Variants in CFTR observed in about 807,000 individuals in gnomAD.
The protein encoded by CFTR is CF transmembrane conductance regulator.
A neutral mutation model predicts 171.6 loss-of-function variants in CFTR; 181 were observed. That is an observed-to-expected ratio of 1.05 (90% CI 0.93 to 1.19). CFTR has a LOEUF of 1.19. CFTR is among the 50% of genes most tolerant of loss of function. CFTR has a pLI of 0.00. For synonymous variants in CFTR, 583 were observed against 608.0 expected, an observed-to-expected ratio of 0.96 and a Z score of 0.60; for missense variants, 1,968 against 1,734.7, an observed-to-expected ratio of 1.13 and a Z score of -2.39.
chr7:117,528,246 G>C (rs1309820621), intron 3 of CFTR, among the ~76,000 whole-genome samples: 26 of 71,834 alleles, frequency 3.6e-4, no homozygotes, highest in African/African-American at 1.3e-3. Flanking sequence ...ACAAACCTGA[G>C]AAAAACAAGC....
intron 26 of CFTR, among the ~76,000 whole-genome samples, chr7:117,666,012 T>C (rs1410232083): frequency 6.6e-6 from 1 of 152,174 alleles, no homozygotes; most frequent in Non-Finnish European, 1.5e-5. Flanking sequence ...TTTCTAGCCA[T>C]GATTTGGGTT....
chr7:117,545,018 G>A (rs1799115838), intron 9 of CFTR, among the ~76,000 whole-genome samples: 1 of 152,188 alleles, frequency 6.6e-6, no homozygotes, highest in African/African-American at 2.4e-5. Context: ...CTGTTTTCAT[G>A]TTGCTGATAA....
intron 1 of CFTR, among the ~76,000 whole-genome samples, chr7:117,498,299 C>G (rs1268830421): frequency 6.6e-6 from 1 of 152,086 alleles, no homozygotes; most frequent in Non-Finnish European, 1.5e-5. Flanking sequence ...CAAATATACA[C>G]AAGGCTTGTC....
intron 3 of CFTR, 64 bp downstream of exon 3, chr7:117,509,206 A>G (rs1451670050): frequency 2.0e-6 from 2 of 997,588 alleles, no homozygotes; most frequent in Non-Finnish European, 3.2e-6. Context: ...GTGATTATGA[A>G]AAGACTACGA....
intron 11 of CFTR, among the ~76,000 whole-genome samples, chr7:117,575,989 C>G (rs1023415887): frequency 6.6e-5 from 10 of 152,052 alleles, no homozygotes; most frequent in Admixed American, 1.3e-4. Context: ...TTTAACACAT[C>G]TTTTCTAGCA....
chr7:117,535,330 C>T lies in CFTR; in HGVS notation c.662C>T (p.Ala221Val), dbSNP rs752432390. Reference sequence around the variant, plus strand: ...GGGCTAATCTGGGAGTTGTTACAGGCGTCTGCCTTCTGTGGACTTGGTTTC... The same window carrying T: ...GGGCTAATCTGGGAGTTGTTACAGGTGTCTGCCTTCTGTGGACTTGGTTTC... ...LMGLIWELLQ[A>V]SAFCGLGFLI... The change falls in exon 6 of 27, where the codon GCG becomes GTG. Residue 221 changes from alanine (A) to valine (V), a missense_variant. By Grantham distance (64) the Ala-to-Val change is moderately conservative (BLOSUM62 0). Coordinates refer to ENST00000003084, the MANE Select transcript of CFTR (RefSeq NM_000492.4). 16 of 1,613,886 alleles carry T rather than the reference C, an allele frequency of 9.9e-6. No individual in the cohort carries two copies. Among genetic ancestry groups the T allele is most frequent in the African/African-American group, 4.0e-5 (3 of 74,904 alleles).
At chr7:117,534,431 G>A in intron 5 of CFTR, 66 bp downstream of exon 5, 1 of 865,412 alleles carries the variant, frequency 1.2e-6, no homozygotes, top group African/African-American at 1.6e-5. Flanking sequence ...GAAAGGCGGA[G>A]TTTTCCTGGG....
intron 21 of CFTR, among the ~76,000 whole-genome samples, chr7:117,622,539 G>A (rs549950031): frequency 1.7e-4 from 26 of 152,110 alleles, no homozygotes; most frequent in African/African-American, 5.5e-4. Flanking sequence ...GATGACTCTC[G>A]TCATATTTAT....
chr7:117,611,595 T>G lies in CFTR; in HGVS notation c.3154T>G (p.Phe1052Val), dbSNP rs150212784. Residue 1052 changes from phenylalanine to valine, a missense_variant, in exon 20 of 27, where the codon TTC (phenylalanine) becomes GTC (valine). Physicochemically the swap from Phe to Val is conservative, Grantham distance 50. Coordinates refer to ENST00000003084, the MANE Select transcript of CFTR (RefSeq NM_000492.4). ...QLESEGRSPIFTHLVTSLKGL... is the reference protein window; with the variant it reads ...QLESEGRSPIVTHLVTSLKGL... ...ATATTTCACAGGCAGGAGTCCAATT[T>G]TCACTCATCTTGTTACAAGCTTAAA... 4.6e-4 allele frequency: 746 copies of G among 1,608,938 alleles called. 1 individual carries two copies. Among genetic ancestry groups the G allele is most frequent in the Middle Eastern group, 2.8e-3 (17 of 6,074 alleles).
chr7:117,653,336 A>C (rs1283789974), intron 24 of CFTR, among the ~76,000 whole-genome samples: 2 of 152,186 alleles, frequency 1.3e-5, no homozygotes, highest in East Asian at 3.9e-4. Flanking sequence ...ATAAAATACC[A>C]AAGACTGAGC....
intron 22 of CFTR, among the ~76,000 whole-genome samples, chr7:117,638,574 A>C (rs2116155976): frequency 6.6e-6 from 1 of 152,008 alleles, no homozygotes; most frequent in Admixed American, 6.6e-5. Flanking sequence ...TGTGCCTGCA[A>C]AAAATACAAA....
At chr7:117,656,896 C>A (rs1051406325) in intron 24 of CFTR, among the ~76,000 whole-genome samples, 2 of 152,138 alleles carry the variant, frequency 1.3e-5, no homozygotes, top group African/African-American at 4.8e-5. Context: ...CTTTGAAATG[C>A]CTGTGAGTGT....
At chr7:117,662,359 G>A (rs889172397) in intron 24 of CFTR, among the ~76,000 whole-genome samples, 1 of 152,142 alleles carries the variant, frequency 6.6e-6, no homozygotes, top group Non-Finnish European at 1.5e-5. Context: ...CCCTCAAGAA[G>A]CTTACAGTCT....
At position 117,499,871 on chromosome 7, in the gene CFTR, A is replaced by G. The variant is rs533573461; in HGVS notation, c.54-4382A>G. Among the ~76,000 whole-genome samples the G allele has an allele frequency of 2.0e-5, 3 of 152,308 alleles. No homozygotes were observed. In the East Asian group the frequency reaches 5.8e-4, roughly 29 times the overall value. On this transcript the variant is annotated intron_variant, in intron 1 of 26. Coordinates refer to ENST00000003084, the MANE Select transcript of CFTR (RefSeq NM_000492.4). ...TTGAACAAAATTTCTAAGTAGACCA[A>G]TGTAAAAGTCTGTCGTCAATATGTA...
At chr7:117,574,105 C>T (rs1398262330) in intron 11 of CFTR, among the ~76,000 whole-genome samples, 1 of 151,922 alleles carries the variant, frequency 6.6e-6, no homozygotes, top group Non-Finnish European at 1.5e-5. Flanking sequence ...GCTGGAAAAC[C>T]AACACCCTTA....
intron 9 of CFTR, among the ~76,000 whole-genome samples, chr7:117,547,978 C>T (rs1799190561): frequency 6.6e-6 from 1 of 152,186 alleles, no homozygotes; most frequent in Non-Finnish European, 1.5e-5. Flanking sequence ...TTGAAGACCA[C>T]TATGCTAAAG....
chr7:117,492,382 C>A (rs1798173819), intron 1 of CFTR, among the ~76,000 whole-genome samples: 1 of 151,282 alleles, frequency 6.6e-6, no homozygotes, highest in African/African-American at 2.4e-5. Flanking sequence ...TATATTTGAC[C>A]AAGAGTAACA....
intron 21 of CFTR, among the ~76,000 whole-genome samples, chr7:117,624,230 C>A (rs969388476): frequency 1.3e-5 from 2 of 152,078 alleles, no homozygotes; most frequent in African/African-American, 4.8e-5. Context: ...TTACAGAATG[C>A]CATGATATTA....
At chr7:117,503,768 T>C (rs1449581358) in intron 1 of CFTR, among the ~76,000 whole-genome samples, 1 of 152,192 alleles carries the variant, frequency 6.6e-6, no homozygotes, top group Non-Finnish European at 1.5e-5. Context: ...AGTCATTCTT[T>C]CAATGAATAG....
Sources: allele counts gnomAD v4.1 joint callset (sites outside exome capture counted in the v4.1 genomes callset), GRCh38; gene constraint gnomAD v4.1.1; transcripts MANE v1.5; gene names NCBI Gene and HGNC (gene_info 2026-07-23, HGNC 2026-07-21).